Variants in ADAM12 observed in about 807,000 individuals in gnomAD.
ADAM12 encodes the protein ADAM metallopeptidase domain 12, also known as disintegrin and metalloproteinase domain-containing protein 12.
ADAM12 carries 70 observed loss-of-function variants against 106.4 expected under a neutral mutation model. The observed-to-expected ratio is 0.66, with a 90% CI of 0.54 to 0.80. The LOEUF (loss-of-function observed/expected upper bound fraction) is 0.80, where lower values mean the gene tolerates loss of function less well. Ranked by LOEUF, ADAM12 falls within the 30% of genes least tolerant of loss-of-function variation. The probability of loss-of-function intolerance (pLI) is 0.00; values close to 1 mark genes in which losing one functional copy is unlikely to be tolerated. For missense variants in ADAM12, 1,010 were observed against 1,171.9 expected, an observed-to-expected ratio of 0.86 and a Z score of 2.02; for synonymous variants, 420 against 433.5, an observed-to-expected ratio of 0.97 and a Z score of 0.39.
chr10:126,254,420 G>A (rs1180958710), intron 3 of ADAM12, among the ~76,000 whole-genome samples: 1 of 152,168 alleles, frequency 6.6e-6, no homozygotes, highest in Non-Finnish European at 1.5e-5. Flanking sequence ...CTGGCTCCAG[G>A]AAGAACCTGC....
chr10:126,323,883 C>T (rs1052903155), intron 2 of ADAM12, among the ~76,000 whole-genome samples: 2 of 152,174 alleles, frequency 1.3e-5, no homozygotes, highest in Middle Eastern at 3.2e-3. Flanking sequence ...TGGGGCATTG[C>T]TTATTGGGTT....
At chr10:126,205,163 C>T (rs543435327) in intron 3 of ADAM12, among the ~76,000 whole-genome samples, 1 of 152,180 alleles carries the variant, frequency 6.6e-6, no homozygotes, top group South Asian at 2.1e-4. Flanking sequence ...AAGAGACAAC[C>T]AGAGAGCCAA....
intron 1 of ADAM12, among the ~76,000 whole-genome samples, chr10:126,341,496 A>T (rs1418423739): frequency 6.6e-6 from 1 of 152,216 alleles, no homozygotes; most frequent in Non-Finnish European, 1.5e-5. Context: ...TCACAGGTGG[A>T]TGCACACAAC....
chr10:126,150,813 T>C (rs1303178682), intron 4 of ADAM12, among the ~76,000 whole-genome samples: 1 of 152,202 alleles, frequency 6.6e-6, no homozygotes, highest in African/African-American at 2.4e-5. Context: ...GAACTTCCTA[T>C]GACTCCCAAA....
intron 3 of ADAM12, among the ~76,000 whole-genome samples, chr10:126,256,913 T>TAAC (rs1958903130): frequency 8.3e-6 from 1 of 120,998 alleles, no homozygotes; most frequent in Admixed American, 8.9e-5. Context: ...ATGGGAATAA[T>TAAC]AATAATAATG....
At chr10:126,228,657 T>C (rs916109819) in intron 3 of ADAM12, among the ~76,000 whole-genome samples, 1 of 152,208 alleles carries the variant, frequency 6.6e-6, no homozygotes. Context: ...AAACACTTTG[T>C]TGCACATTTT....
At chr10:126,033,006 A>G (rs1027856449) in intron 21 of ADAM12, among the ~76,000 whole-genome samples, 3 of 152,220 alleles carry the variant, frequency 2.0e-5, no homozygotes, top group African/African-American at 7.2e-5. Flanking sequence ...TTACATTAAA[A>G]TATTTTTAAA....
At chr10:126,112,277 A>C (rs1269882607) in intron 6 of ADAM12, among the ~76,000 whole-genome samples, 3 of 151,312 alleles carry the variant, frequency 2.0e-5, no homozygotes, top group Non-Finnish European at 4.4e-5. Flanking sequence ...GGTGCAGCAA[A>C]CCACCATGGC....
intron 3 of ADAM12, among the ~76,000 whole-genome samples, chr10:126,170,447 G>C (rs573707334): frequency 3.3e-5 from 5 of 151,832 alleles, no homozygotes; most frequent in Non-Finnish European, 5.9e-5. Flanking sequence ...AAGAGGGCGG[G>C]GGGGGAGTCC....
At position 126,204,254 on chromosome 10, in the gene ADAM12, C is replaced by G. The variant is rs531454003; in HGVS notation, c.261-48949G>C. On this transcript the variant is annotated intron_variant, in intron 3 of 22. Transcript: ENST00000448723. ...TTCTTCCCTAACAAGAAGCGTAATA[C>G]AAGGGAGGAAACATGGCTTCCCTTT... Among the ~76,000 whole-genome samples, 16 of 152,324 alleles carry G rather than the reference C, an allele frequency of 1.1e-4. No homozygotes were observed. In the South Asian group the frequency reaches 3.3e-3, roughly 32 times the overall value.
chr10:126,286,523 T>C (rs926723893), intron 2 of ADAM12, among the ~76,000 whole-genome samples: 4 of 152,212 alleles, frequency 2.6e-5, no homozygotes, highest in Non-Finnish European at 5.9e-5. Context: ...CGGCACTAAA[T>C]AAATGCTTCA....
intron 2 of ADAM12, among the ~76,000 whole-genome samples, chr10:126,284,489 G>C (rs947248087): frequency 6.6e-6 from 1 of 152,088 alleles, no homozygotes; most frequent in African/African-American, 2.4e-5. Flanking sequence ...TCTGAGTCCT[G>C]ATGTTTGGTG....
chr10:126,214,491 C>A (rs1230651502), intron 3 of ADAM12, among the ~76,000 whole-genome samples: 1 of 152,096 alleles, frequency 6.6e-6, no homozygotes, highest in Non-Finnish European at 1.5e-5. Context: ...AGAACACAGC[C>A]GTGTTAATAT....
At chr10:126,125,837 C>G (rs372680350) in intron 5 of ADAM12, among the ~76,000 whole-genome samples, 1 of 151,242 alleles carries the variant, frequency 6.6e-6, no homozygotes, top group African/African-American at 2.4e-5. Context: ...TAGAAGAGAC[C>G]GAAGAGGAGA....
intron 11 of ADAM12, among the ~76,000 whole-genome samples, chr10:126,084,439 G>A (rs551648550): frequency 1.7e-4 from 26 of 152,278 alleles, no homozygotes; most frequent in African/African-American, 6.0e-4. Context: ...TGTTGGAGGA[G>A]CAGACTCTCG....
intron 2 of ADAM12, among the ~76,000 whole-genome samples, chr10:126,305,816 G>A (rs1431555795): frequency 6.6e-6 from 1 of 151,970 alleles, no homozygotes; most frequent in African/African-American, 2.4e-5. Flanking sequence ...ATTATTATGA[G>A]ATAGGACTAT....
rs7923954 is a variant in ADAM12 at position 126,043,242 on chromosome 10, C to A, written c.1996-94G>T. The A allele has an allele frequency of 2.5e-5, 29 of 1,138,076 alleles. No individual in the cohort carries two copies. Among genetic ancestry groups the A allele is most frequent in the South Asian group, 5.7e-5 (4 of 70,254 alleles). The allele number at this position is 1,138,076 out of a possible 1,614,324, so 70.5% of individuals were successfully genotyped here. A position where few individuals can be genotyped will look rare whatever the true frequency, so the allele number is the denominator to read the frequency against. ...GGGGGGCCATGGTCAGAGCCCCCCC[C>A]CAACACTGACACAGCCAGACTCAGC... On this transcript the variant is annotated intron_variant, in intron 17 of 22. Transcript: ENST00000448723. The surrounding 1 kb of genome is among the most constrained non-coding windows in gnomAD (Gnocchi z 4.1).
intron 21 of ADAM12, among the ~76,000 whole-genome samples, chr10:126,021,142 T>C (rs1214473566): frequency 1.3e-5 from 2 of 151,996 alleles, no homozygotes; most frequent in African/African-American, 4.8e-5. Flanking sequence ...CCCAGGTGAA[T>C]GTGGGTGCCA....
chr10:126,321,687 G>C (rs1261006932), intron 2 of ADAM12, among the ~76,000 whole-genome samples: 1 of 152,186 alleles, frequency 6.6e-6, no homozygotes, highest in African/African-American at 2.4e-5. Flanking sequence ...GGGAGGGAGA[G>C]AGCGCTGGCG....
Sources: allele counts gnomAD v4.1 joint callset (sites outside exome capture counted in the v4.1 genomes callset), GRCh38; gene constraint gnomAD v4.1.1; non-coding constraint Gnocchi (gnomAD v3.1); transcripts MANE v1.5; gene names NCBI Gene and HGNC (gene_info 2026-07-23, HGNC 2026-07-21).